FRMD4A: variants seen among roughly 807,000 people sequenced by gnomAD.
FRMD4A encodes the protein FERM domain-containing protein 4A.
Under a neutral mutation model 129.1 loss-of-function variants are expected in FRMD4A, and 29 were observed. The observed-to-expected ratio is 0.22, with a 90% confidence interval of 0.17 to 0.31. FRMD4A has a LOEUF of 0.31. FRMD4A is among the 10% of genes least tolerant of loss of function. The pLI is 1.00. For synonymous variants in FRMD4A, 634 were observed against 571.6 expected, an observed-to-expected ratio of 1.11 and a Z score of -1.56; for missense variants, 1,272 against 1,375.8, an observed-to-expected ratio of 0.92 and a Z score of 1.19.
intron 2 of FRMD4A, among the ~76,000 whole-genome samples, chr10:14,211,875 G>T (rs964488163): frequency 3.9e-5 from 6 of 152,212 alleles, no homozygotes; most frequent in Non-Finnish European, 7.3e-5. Context: ...CCATGAGAGA[G>T]ATTTAAGTTT....
intron 2 of FRMD4A, among the ~76,000 whole-genome samples, chr10:13,875,821 T>A (rs1208020281): frequency 6.6e-6 from 1 of 152,032 alleles, no homozygotes; most frequent in African/African-American, 2.4e-5. Context: ...CAGATACTTG[T>A]GAGGCAAAAG....
intron 17 of FRMD4A, among the ~76,000 whole-genome samples, chr10:13,669,219 C>A (rs2083316487): frequency 6.6e-6 from 1 of 152,116 alleles, no homozygotes. Context: ...ACCACCATGC[C>A]TGGCTAATGT....
intron 2 of FRMD4A, among the ~76,000 whole-genome samples, chr10:14,134,029 C>T (rs1182730079): frequency 6.6e-6 from 1 of 152,160 alleles, no homozygotes; most frequent in African/African-American, 2.4e-5. Context: ...AGGCTGGGTT[C>T]TCCTCTTTGC....
At chr10:13,708,508 A>G (rs1274766934) in intron 12 of FRMD4A, among the ~76,000 whole-genome samples, 1 of 152,256 alleles carries the variant, frequency 6.6e-6, no homozygotes, top group Non-Finnish European at 1.5e-5. Flanking sequence ...CTCTTATTAC[A>G]GAGTTGCCTC....
chr10:13,809,447 A>T (rs1169731661), intron 4 of FRMD4A, among the ~76,000 whole-genome samples: 2 of 152,230 alleles, frequency 1.3e-5, no homozygotes, highest in Non-Finnish European at 2.9e-5. Flanking sequence ...AGTGATTCTC[A>T]GGAGAAAGGG....
Position 13,783,123 on chromosome 10 carries a change from G to C in FRMD4A, c.300-117C>G, listed in dbSNP as rs901430354. ...GCATTCCCCATCCTAAATAAACAAA[G>C]GAAAAAGGCACCATCCATGGTTTTT... On this transcript the variant is annotated intron_variant, in intron 5 of 24. Transcript: ENST00000357447. 17 of 662,894 alleles carry C rather than the reference G, an allele frequency of 2.6e-5. No individual in the cohort carries two copies. The Admixed American group carries it at 3.9e-4, about 15-fold the overall frequency. The allele number at this position is 662,894 out of a possible 1,614,324, so 41.1% of individuals were successfully genotyped here.
At chr10:13,986,628 C>A (rs2095582392) in intron 2 of FRMD4A, among the ~76,000 whole-genome samples, 2 of 146,614 alleles carry the variant, frequency 1.4e-5, no homozygotes, top group Non-Finnish European at 3.0e-5. Context: ...GCACATGTAC[C>A]CTAAAACTTA....
At chr10:13,871,164 C>A in intron 2 of FRMD4A, 1 of 135,264 alleles carries the variant, frequency 7.4e-6, no homozygotes, top group Middle Eastern at 8.7e-4. Context: ...CAGGCCTGCC[C>A]TGCACGACTT....
intron 3 of FRMD4A, among the ~76,000 whole-genome samples, chr10:13,814,868 G>A (rs758972145): frequency 1.7e-4 from 26 of 152,092 alleles, no homozygotes; most frequent in Non-Finnish European, 3.5e-4. Flanking sequence ...TGGAGGCAGG[G>A]TGGGAGGTGC....
intron 3 of FRMD4A, among the ~76,000 whole-genome samples, chr10:13,838,682 G>T (rs559925293): frequency 6.6e-6 from 1 of 151,966 alleles, no homozygotes; most frequent in Non-Finnish European, 1.5e-5. Flanking sequence ...TAGTAGAGAC[G>T]GGGTTTCACC....
At chr10:13,838,682 G>A (rs559925293) in intron 3 of FRMD4A, among the ~76,000 whole-genome samples, 5 of 152,084 alleles carry the variant, frequency 3.3e-5, no homozygotes, top group East Asian at 3.9e-4. Context: ...TAGTAGAGAC[G>A]GGGTTTCACC....
chr10:14,011,600 G>A (rs1351047388), intron 2 of FRMD4A, among the ~76,000 whole-genome samples: 1 of 152,216 alleles, frequency 6.6e-6, no homozygotes, highest in Non-Finnish European at 1.5e-5. Flanking sequence ...TATAGGCAGG[G>A]CAGGGAAAGG....
At chr10:14,130,000 C>T (rs1408087361) in intron 2 of FRMD4A, among the ~76,000 whole-genome samples, 2 of 152,132 alleles carry the variant, frequency 1.3e-5, no homozygotes, top group African/African-American at 4.8e-5. Context: ...CTTGTTCTCA[C>T]TCCCTGCCTC....
intron 5 of FRMD4A, among the ~76,000 whole-genome samples, chr10:13,794,162 C>T (rs537882656): frequency 9.9e-4 from 150 of 152,046 alleles, no homozygotes; most frequent in Non-Finnish European, 1.6e-3. Flanking sequence ...GAGGCCGAGG[C>T]GGATGGATCA....
chr10:14,133,561 A>T (rs1008395982), intron 2 of FRMD4A, among the ~76,000 whole-genome samples: 1 of 152,162 alleles, frequency 6.6e-6, no homozygotes, highest in Non-Finnish European at 1.5e-5. Flanking sequence ...AGCCTGCAGG[A>T]CCTCAGAGTT....
chr10:14,107,536 C>A (rs958210445), intron 2 of FRMD4A, among the ~76,000 whole-genome samples: 11 of 152,146 alleles, frequency 7.2e-5, no homozygotes, highest in Admixed American at 5.9e-4. Context: ...CAAGATACAG[C>A]CAAAGCTCAT....
chr10:13,918,553 G>A (rs1283209966), intron 2 of FRMD4A, among the ~76,000 whole-genome samples: 1 of 151,972 alleles, frequency 6.6e-6, no homozygotes, highest in Non-Finnish European at 1.5e-5. Flanking sequence ...TTTTGAGAGA[G>A]AGTCTCACTC....
intron 2 of FRMD4A, among the ~76,000 whole-genome samples, chr10:14,025,755 G>T (rs1020826834): frequency 6.6e-6 from 1 of 152,100 alleles, no homozygotes; most frequent in African/African-American, 2.4e-5. Flanking sequence ...GACCACTCTA[G>T]GGACCTCGTA....
intron 2 of FRMD4A, among the ~76,000 whole-genome samples, chr10:13,914,625 G>A (rs966665549): frequency 6.6e-5 from 10 of 152,128 alleles, no homozygotes; most frequent in African/African-American, 2.4e-4. Flanking sequence ...AGGCCAAAGA[G>A]AGACTGATGG....
Sources: allele counts gnomAD v4.1 joint callset (sites outside exome capture counted in the v4.1 genomes callset), GRCh38; gene constraint gnomAD v4.1.1; transcripts MANE v1.5; gene names NCBI Gene and HGNC (gene_info 2026-07-23, HGNC 2026-07-21).